Variants in ERO1B observed in about 807,000 individuals in gnomAD.
The protein encoded by ERO1B is ERO1-like protein beta.
A neutral mutation model predicts 75.3 loss-of-function variants in ERO1B; 49 were observed. The observed-to-expected ratio is 0.65, with a 90% CI of 0.52 to 0.83. The LOEUF is 0.83. Ranked by LOEUF, ERO1B falls within the 40% of genes least tolerant of loss-of-function variation. ERO1B has a pLI of 0.00. For missense variants in ERO1B, 512 were observed against 560.1 expected (o/e 0.91, Z 0.87); for synonymous variants, 191 against 192.9 (o/e 0.99, Z 0.08).
chr1:236,218,476 A>C lies in ERO1B; in HGVS notation c.*40T>G. 7.1e-7 allele frequency: 1 copy of C among 1,400,948 alleles called. No homozygotes were observed. The highest frequency in any genetic ancestry group is 9.3e-7 in the Non-Finnish European group (1 of 1,069,556). 86.8% of individuals were successfully genotyped at this position (1,400,948 alleles called of 1,614,324 possible). ...TGTCCATAATTAAAAGGCTTTCCAC[A>C]GTCACTTTATGTCTCTAGTTAGACA... On this transcript the variant is annotated 3_prime_UTR_variant, in exon 16 of 16. Transcript: ENST00000354619.
chr1:236,233,608 A>G (rs1332052017), intron 8 of ERO1B, among the ~76,000 whole-genome samples: 1 of 151,974 alleles, frequency 6.6e-6, no homozygotes, highest in Non-Finnish European at 1.5e-5. Flanking sequence ...AAGAAAAAAA[A>G]AAAAAGATTT....
At chr1:236,269,249 TAATA>T (rs1413813770) in intron 2 of ERO1B, among the ~76,000 whole-genome samples, 1 of 152,082 alleles carries the variant, frequency 6.6e-6, no homozygotes, top group African/African-American at 2.4e-5. Context: ...ATAGTAAGAA[TAATA>T]AAAAATAAAA....
At chr1:236,235,980 AGT>A in intron 7 of ERO1B, 145 bp from the exon 8 acceptor site, 1 of 737,402 alleles carries the variant, frequency 1.4e-6, no homozygotes, top group South Asian at 1.9e-5. Context: ...GCTGGAGTAC[AGT>A]GGCGCAATCT....
chr1:236,235,722 GA>G, intron 8 of ERO1B, 66 bp downstream of exon 8: 1 of 1,344,632 alleles, frequency 7.4e-7, no homozygotes, highest in Middle Eastern at 1.9e-4. Context: ...TTTTCAATAT[GA>G]AGTTTAGTTA....
chr1:236,237,503 G>C (rs1021759093), intron 6 of ERO1B, among the ~76,000 whole-genome samples: 7 of 152,102 alleles, frequency 4.6e-5, no homozygotes, highest in African/African-American at 1.7e-4. Flanking sequence ...AATAGAAATG[G>C]GAAACGTGCT....
At chr1:236,226,227 T>C (rs1024615637) in intron 12 of ERO1B, 42 bp downstream of exon 12, 1 of 1,600,546 alleles carries the variant, frequency 6.2e-7, no homozygotes, top group Non-Finnish European at 8.5e-7. Flanking sequence ...CTCATTTGAA[T>C]ACAGAGAGGA....
At chr1:236,224,252 G>A (rs1165142908) in intron 13 of ERO1B, among the ~76,000 whole-genome samples, 1 of 152,084 alleles carries the variant, frequency 6.6e-6, no homozygotes, top group Admixed American at 6.5e-5. Flanking sequence ...CTAAACATAA[G>A]AAAATGTTTC....
intron 2 of ERO1B, among the ~76,000 whole-genome samples, chr1:236,256,629 T>G (rs577840788): frequency 3.6e-4 from 55 of 152,332 alleles, no homozygotes; most frequent in African/African-American, 1.2e-3. Context: ...AGTCTCCCCC[T>G]GCTAGGGGGG....
chr1:236,226,263 T>C lies in ERO1B; in HGVS notation c.1052+6A>G, dbSNP rs1234481773. On this transcript the variant is annotated splice_donor_region_variant and intron_variant, in intron 12 of 15. Coordinates refer to ENST00000354619, the MANE Select transcript of ERO1B (RefSeq NM_019891.4). ...GAATTTCAAATCACGGATAGTCAAT[T>C]CTTACTTTGTATCTTGAAAGATATT... 4 of 1,612,676 alleles carry C rather than the reference T, an allele frequency of 2.5e-6. No homozygotes were observed. The highest frequency in any genetic ancestry group is 3.4e-6 in the Non-Finnish European group (4 of 1,179,352).
rs538085251 is a variant in ERO1B at position 236,270,484 on chromosome 1, T to C, written c.103-490A>G. On this transcript the variant is annotated intron_variant, in intron 1 of 15. Transcript: ENST00000354619. ...GGTATTATAATCTTCATATTACATA[T>C]AAGGAAATTAAGGTTTAGCAACCTT... Among the ~76,000 whole-genome samples, 7 of 152,262 alleles carry C rather than the reference T, an allele frequency of 4.6e-5. No individual in the cohort carries two copies. The East Asian group carries it at 7.7e-4, about 17-fold the overall frequency.
At chr1:236,259,544 A>G (rs913421022) in intron 2 of ERO1B, among the ~76,000 whole-genome samples, 8 of 152,224 alleles carry the variant, frequency 5.3e-5, no homozygotes, top group African/African-American at 1.7e-4. Flanking sequence ...AAAGATAGAA[A>G]AAGATGTTCT....
At chr1:236,277,869 ATTAAAATCTTTTTGGCCACTCT>A (rs1440463189) in intron 1 of ERO1B, among the ~76,000 whole-genome samples, 3 of 152,224 alleles carry the variant, frequency 2.0e-5, no homozygotes, top group Non-Finnish European at 2.9e-5. Context: ...ATTCATTATT[ATTAAAATCTTTTTGGCCACTCT>A]TTAAAATCTT....
chr1:236,227,827 C>T (rs1452431979), intron 10 of ERO1B, among the ~76,000 whole-genome samples: 3 of 152,110 alleles, frequency 2.0e-5, no homozygotes, highest in Non-Finnish European at 2.9e-5. Flanking sequence ...TTTGAGTTCT[C>T]GTTCCCTAAT....
intron 1 of ERO1B, among the ~76,000 whole-genome samples, chr1:236,271,251 A>G (rs535752392): frequency 5.3e-5 from 8 of 152,316 alleles, no homozygotes; most frequent in Non-Finnish European, 1.2e-4. Flanking sequence ...AAGGTTATTT[A>G]TATGGTCCAT....
At chr1:236,226,905 T>G (rs1169334317) in intron 10 of ERO1B, among the ~76,000 whole-genome samples, 166 bp from the exon 11 acceptor site, 1 of 152,164 alleles carries the variant, frequency 6.6e-6, no homozygotes, top group Non-Finnish European at 1.5e-5. Flanking sequence ...GAAGGCAAAG[T>G]AAGATTTTGG....
At chr1:236,250,280 G>A (rs1016549450) in intron 4 of ERO1B, among the ~76,000 whole-genome samples, 1 of 151,920 alleles carries the variant, frequency 6.6e-6, no homozygotes, top group African/African-American at 2.4e-5. Context: ...GACCAGCCTG[G>A]TCAACATGGT....
intron 2 of ERO1B, among the ~76,000 whole-genome samples, chr1:236,258,653 G>A (rs1328416789): frequency 2.6e-5 from 4 of 152,188 alleles, no homozygotes; most frequent in Admixed American, 1.3e-4. Context: ...TTGGGAGGCC[G>A]AAGCGGGTGG....
chr1:236,281,826 C>A lies in ERO1B; in HGVS notation c.-43G>T. ...CCGCGGCCAGCCGGACCCCTCGGGGCCGGGGAACGACGGGCGGCCCAGGCG... is the reference window on the plus strand; with the variant it reads ...CCGCGGCCAGCCGGACCCCTCGGGGACGGGGAACGACGGGCGGCCCAGGCG... On this transcript the variant is annotated 5_prime_UTR_variant, in exon 1 of 16. Transcript: ENST00000354619. The A allele has an allele frequency of 7.5e-7, 1 of 1,340,168 alleles. No homozygotes were observed. Among genetic ancestry groups the A allele is most frequent in the Non-Finnish European group, 9.7e-7 (1 of 1,031,732 alleles). The allele number at this position is 1,340,168 out of a possible 1,614,324, so 83.0% of individuals were successfully genotyped here. A position where few individuals can be genotyped will look rare whatever the true frequency, so the allele number is the denominator to read the frequency against.
At chr1:236,233,339 C>T (rs1054503631) in intron 8 of ERO1B, among the ~76,000 whole-genome samples, 3 of 146,648 alleles carry the variant, frequency 2.0e-5, no homozygotes, top group Admixed American at 1.4e-4. Context: ...AGGCTGGGCA[C>T]GGTGGCTCAG....
Sources: allele counts gnomAD v4.1 joint callset (sites outside exome capture counted in the v4.1 genomes callset), GRCh38; gene constraint gnomAD v4.1.1; transcripts MANE v1.5; gene names NCBI Gene and HGNC (gene_info 2026-07-23, HGNC 2026-07-21).